Variants in RSPH14 observed in about 807,000 individuals in gnomAD.
The protein encoded by RSPH14 is rhabdoid tumor deletion region gene 1.
A neutral mutation model predicts 26.7 loss-of-function variants in RSPH14; 20 were observed. The observed-to-expected ratio is 0.75, with a 90% confidence interval of 0.53 to 1.09. The LOEUF is 1.09. Ranked by LOEUF, RSPH14 falls within the 50% of genes least tolerant of loss-of-function variation. The pLI, the probability that RSPH14 is intolerant of heterozygous loss-of-function variation, is 0.00. For synonymous variants in RSPH14, 177 were observed against 189.3 expected, an observed-to-expected ratio of 0.93 and a Z score of 0.53; for missense variants, 449 against 457.2, an observed-to-expected ratio of 0.98 and a Z score of 0.16.
At chr22:23,078,309 A>C (rs2068563777) in intron 4 of RSPH14, among the ~76,000 whole-genome samples, 1 of 152,224 alleles carries the variant, frequency 6.6e-6, no homozygotes, top group Admixed American at 6.5e-5. Context: ...CATTTCCCTT[A>C]AACACTGGGC....
At chr22:23,102,950 G>C (rs531275991) in intron 4 of RSPH14, among the ~76,000 whole-genome samples, 24 of 152,252 alleles carry the variant, frequency 1.6e-4, no homozygotes, top group Non-Finnish European at 3.2e-4. Context: ...CCTCCTTTAT[G>C]GGAAGGCAGG....
intron 5 of RSPH14, 119 bp from the exon 6 acceptor site, chr22:23,062,064 C>T (rs554247057): frequency 1.6e-6 from 2 of 1,220,648 alleles, no homozygotes; most frequent in Admixed American, 4.1e-5. Flanking sequence ...CCAGGTAGTC[C>T]CAGGACTGGT....
intron 4 of RSPH14, among the ~76,000 whole-genome samples, chr22:23,102,238 G>A (rs1336043690): frequency 6.6e-6 from 1 of 152,242 alleles, no homozygotes; most frequent in Non-Finnish European, 1.5e-5. Flanking sequence ...ATGGGTATCT[G>A]CTCGCCTAGG....
At chr22:23,127,408 C>T (rs184737200) in intron 4 of RSPH14, among the ~76,000 whole-genome samples, 65 of 152,346 alleles carry the variant, frequency 4.3e-4, no homozygotes, top group Non-Finnish European at 8.1e-4. Context: ...TGAGGATGTG[C>T]CTGGGGTTCT....
intron 4 of RSPH14, chr22:23,124,401 A>G: frequency 2.1e-6 from 1 of 469,948 alleles, no homozygotes; most frequent in South Asian, 1.6e-5. Context: ...CTCTGCTCCA[A>G]AGAAATTTTG....
chr22:23,110,735 G>A (rs534763434), intron 4 of RSPH14, among the ~76,000 whole-genome samples: 1 of 152,358 alleles, frequency 6.6e-6, no homozygotes, highest in South Asian at 2.1e-4. Flanking sequence ...AGAAACAGCA[G>A]TGCGTCTGCA....
intron 4 of RSPH14, among the ~76,000 whole-genome samples, chr22:23,073,660 TTGACAG>T (rs1392681986): frequency 6.6e-6 from 1 of 152,174 alleles, no homozygotes; most frequent in Non-Finnish European, 1.5e-5. Flanking sequence ...CAGGGACCGC[TTGACAG>T]ATCCTAGAGC....
intron 4 of RSPH14, among the ~76,000 whole-genome samples, chr22:23,100,732 G>A (rs905246808): frequency 2.0e-5 from 3 of 152,220 alleles, no homozygotes; most frequent in Non-Finnish European, 2.9e-5. Flanking sequence ...TGGAGCGGGC[G>A]GGAGGCGGTA....
chr22:23,166,147 TAA>T, the RSPH14 span, among the ~76,000 whole-genome samples: 11,700 of 59,480 alleles, frequency 0.2, 1,421 homozygotes, highest in Non-Finnish European at 0.23. Context: ...CTCTGTCTTT[TAA>T]AAAAAAAAAA....
chr22:23,080,634 A>T lies in RSPH14; in HGVS notation c.422-16501T>A, dbSNP rs1014485698. 5.9e-5 allele frequency among the ~76,000 whole-genome samples: 9 copies of T among 152,186 alleles called. No homozygotes were observed. The South Asian group carries it at 1.9e-3, about 32-fold the overall frequency. On this transcript the variant is annotated intron_variant, in intron 4 of 6. Transcript: ENST00000216036. Reference sequence around the variant, plus strand: ...TTGTGGGGAGAGTGTAGAGAAGCCAACCCAGTGGCCTGGGCCCTGGTTACT... The same window carrying T: ...TTGTGGGGAGAGTGTAGAGAAGCCATCCCAGTGGCCTGGGCCCTGGTTACT...
intron 3 of RSPH14, among the ~76,000 whole-genome samples, chr22:23,134,394 A>C (rs2070422134): frequency 6.6e-6 from 1 of 152,004 alleles, no homozygotes; most frequent in African/African-American, 2.4e-5. Context: ...CTCCACATCT[A>C]TGTACACCAG....
intron 4 of RSPH14, among the ~76,000 whole-genome samples, chr22:23,109,764 C>T (rs975815968): frequency 1.3e-5 from 2 of 152,190 alleles, no homozygotes; most frequent in East Asian, 3.9e-4. Flanking sequence ...AAACAGCTGC[C>T]CCAGCCCTGG....
chr22:23,059,849 C>A (rs2068054627), intron 6 of RSPH14, 131 bp from the exon 7 acceptor site: 2 of 989,992 alleles, frequency 2.0e-6, no homozygotes, highest in African/African-American at 1.6e-5. Context: ...TATGCCCCAC[C>A]AACATGCCCT....
chr22:23,173,839 C>T, the RSPH14 span, among the ~76,000 whole-genome samples: 1 of 152,072 alleles, frequency 6.6e-6, no homozygotes, highest in Non-Finnish European at 1.5e-5. Context: ...TCCTGAGTAG[C>T]TGGGACTACA....
chr22:23,143,353 A>G (rs1259630445), upstream of RSPH14, among the ~76,000 whole-genome samples: 2 of 151,940 alleles, frequency 1.3e-5, no homozygotes, highest in African/African-American at 4.8e-5. Flanking sequence ...TTAAAAAAAG[A>G]TACAAGAAAA....
intron 4 of RSPH14, among the ~76,000 whole-genome samples, chr22:23,072,493 TC>T (rs34138806): frequency 6.6e-6 from 1 of 152,138 alleles, no homozygotes; most frequent in African/African-American, 2.4e-5. Flanking sequence ...GGTGTCACTT[TC>T]CCCCCTAAGT....
chr22:23,123,456 C>T (rs1417140401), intron 4 of RSPH14: 1 of 1,522,532 alleles, frequency 6.6e-7, no homozygotes, highest in East Asian at 2.3e-5. Flanking sequence ...GGCCCGCCTG[C>T]CTATGGTGAA....
At chr22:23,079,651 C>T (rs1369442353) in intron 4 of RSPH14, among the ~76,000 whole-genome samples, 1 of 152,190 alleles carries the variant, frequency 6.6e-6, no homozygotes, top group East Asian at 1.9e-4. Flanking sequence ...TGGTGGAGCA[C>T]AGGGCACAGG....
At chr22:23,087,569 T>C (rs6003501) in intron 4 of RSPH14, among the ~76,000 whole-genome samples, 56,671 of 152,086 alleles carry the variant, frequency 0.37, 11,199 homozygotes, top group African/African-American at 0.52. Context: ...CATGAAGAGC[T>C]GGCTGTGCAG....
Sources: allele counts gnomAD v4.1 joint callset (sites outside exome capture counted in the v4.1 genomes callset), GRCh38; gene constraint gnomAD v4.1.1; transcripts MANE v1.5; gene names NCBI Gene and HGNC (gene_info 2026-07-23, HGNC 2026-07-21).